The following STOX1 variants were observed in gnomAD, a reference collection of about 807,000 sequenced individuals.
STOX1 encodes storkhead-box protein 1.
Under a neutral mutation model 74.8 loss-of-function variants are expected in STOX1, and 57 were observed. The ratio of observed to expected loss-of-function variants is 0.76; its 90% CI spans 0.62 to 0.95. STOX1 has a LOEUF of 0.95. Among genes scored for constraint, STOX1 ranks in the 40% least tolerant of loss-of-function variants. The pLI, the probability that STOX1 is intolerant of heterozygous loss-of-function variation, is 0.00. For synonymous variants in STOX1, 375 were observed against 401.3 expected (o/e 0.93, Z 0.78); for missense variants, 1,010 against 1,117.0 (o/e 0.90, Z 1.37).
At chr10:68,828,865 T>C (rs1405769914) in intron 1 of STOX1, 1 of 549,084 alleles carries the variant, frequency 1.8e-6, no homozygotes, top group Non-Finnish European at 2.3e-6. Context: ...ACCTTCCCAG[T>C]CTTTTCAAAC....
chr10:68,832,373 C>T (rs10762242), intron 1 of STOX1, among the ~76,000 whole-genome samples: 97,002 of 152,154 alleles, frequency 0.64, 31,567 homozygotes, highest in Non-Finnish European at 0.71. Context: ...TCTTTTCTCA[C>T]TGAATAAAAA....
intron 1 of STOX1, among the ~76,000 whole-genome samples, chr10:68,861,650 C>T (rs1232458343): frequency 6.6e-6 from 1 of 152,122 alleles, no homozygotes; most frequent in Non-Finnish European, 1.5e-5. Flanking sequence ...CTGCAGACTA[C>T]ACAAAGACAA....
rs530570253 is a variant in STOX1, at chr10:68,884,878, T to C, written c.1082T>C (p.Ile361Thr). ...DNIPRDVEHEIIKRINPILTV... is the reference protein window; with the variant it reads ...DNIPRDVEHETIKRINPILTV... ...ATCCCTCGAGATGTTGAACATGAGA[T>C]AATCAAACGAATTAACCCCATTTTG... The change falls in exon 3 of 4, where the codon ATA becomes ACA. Residue 361 changes from isoleucine (I) to threonine (T), a missense_variant. Ile to Thr is a moderately conservative substitution (Grantham distance 89, BLOSUM62 -1). Transcript: ENST00000298596. 17 of 1,614,004 alleles carry C rather than the reference T, an allele frequency of 1.1e-5. No homozygotes were observed. In the Admixed American group the frequency reaches 1.7e-4, roughly 16 times the overall value.
chr10:68,887,649 A>C (rs1049696855), intron 3 of STOX1, among the ~76,000 whole-genome samples: 59 of 144,146 alleles, frequency 4.1e-4, no homozygotes, highest in African/African-American at 1.4e-3. Context: ...GCTGGAGTGC[A>C]GTGGTGCAAT....
intron 1 of STOX1, among the ~76,000 whole-genome samples, chr10:68,860,930 C>T (rs187057256): frequency 2.0e-5 from 3 of 152,054 alleles, no homozygotes; most frequent in Admixed American, 6.5e-5. Flanking sequence ...CAGGATTGGC[C>T]GGGCGCGGTG....
rs114756024 is a variant in STOX1, at chr10:68,867,649, G to A, written c.311-14309G>A. 3.4e-3 allele frequency among the ~76,000 whole-genome samples: 524 copies of A among 152,236 alleles called. 3 individuals are homozygous for A. Among genetic ancestry groups the A allele is most frequent in the African/African-American group, 0.012 (480 of 41,522 alleles). ...ACAGATCTGTTCTTTTATCTCTTCC[G>A]CAACATTATCACACTCCTCTCCTTC... is the stretch of plus-strand genomic sequence containing the variant. On this transcript the variant is annotated intron_variant, in intron 1 of 3. Coordinates refer to ENST00000298596, the MANE Select transcript of STOX1 (RefSeq NM_152709.5).
intron 1 of STOX1, among the ~76,000 whole-genome samples, chr10:68,831,552 A>G (rs753623060): frequency 2.0e-5 from 3 of 152,120 alleles, no homozygotes; most frequent in Non-Finnish European, 2.9e-5. Context: ...ATTGCTGGCC[A>G]GCTCAGGCAG....
At chr10:68,860,275 G>A (rs1840231548) in intron 1 of STOX1, among the ~76,000 whole-genome samples, 1 of 150,452 alleles carries the variant, frequency 6.6e-6, no homozygotes, top group Non-Finnish European at 1.5e-5. Flanking sequence ...CTCGGTGGGG[G>A]AAAGAGTCTC....
chr10:68,879,257 C>G (rs1840751583), intron 1 of STOX1, among the ~76,000 whole-genome samples: 1 of 152,142 alleles, frequency 6.6e-6, no homozygotes, highest in Non-Finnish European at 1.5e-5. Context: ...CCTCAAACCC[C>G]CTTTCCACCC....
chr10:68,890,910 C>T (rs915561598), intron 3 of STOX1, among the ~76,000 whole-genome samples: 1 of 152,094 alleles, frequency 6.6e-6, no homozygotes, highest in Non-Finnish European at 1.5e-5. Flanking sequence ...CCTTAGCCTC[C>T]CAAAGTGCTG....
intron 1 of STOX1, among the ~76,000 whole-genome samples, chr10:68,868,938 G>A (rs1840471031): frequency 6.6e-6 from 1 of 152,196 alleles, no homozygotes; most frequent in African/African-American, 2.4e-5. Flanking sequence ...GAAGAGCTGA[G>A]GTCACTAATT....
chr10:68,885,500 C>T lies in STOX1; in HGVS notation c.1704C>T (p.Asp568=). The change falls in exon 3 of 4, where the codon GAC becomes GAT. Residue 568 remains aspartate, a synonymous_variant. Transcript: ENST00000298596. ...KMEAESIYIN[D]PTVKPINDDF... ...AAGCAGAATCCATTTACATAAATGACCCTACTGTCAAACCCATCAATGATG... is the reference window on the plus strand; with the variant it reads ...AAGCAGAATCCATTTACATAAATGATCCTACTGTCAAACCCATCAATGATG... 6.2e-7 allele frequency: 1 copy of T among 1,614,176 alleles called. No individual in the cohort carries two copies. Among genetic ancestry groups the T allele is most frequent in the Non-Finnish European group, 8.5e-7 (1 of 1,180,036 alleles).
intron 1 of STOX1, among the ~76,000 whole-genome samples, chr10:68,876,659 G>A (rs1271715228): frequency 1.3e-5 from 2 of 152,168 alleles, no homozygotes; most frequent in Non-Finnish European, 2.9e-5. Flanking sequence ...GCACAAGACT[G>A]TGTAAACAGA....
At chr10:68,843,278 C>T (rs1210233404) in intron 1 of STOX1, among the ~76,000 whole-genome samples, 2 of 151,192 alleles carry the variant, frequency 1.3e-5, no homozygotes, top group African/African-American at 2.4e-5. Flanking sequence ...GCAATCCTCC[C>T]GTCTTGGCCT....
intron 3 of STOX1, among the ~76,000 whole-genome samples, chr10:68,887,901 A>G (rs1009592752): frequency 6.6e-6 from 1 of 152,028 alleles, no homozygotes; most frequent in African/African-American, 2.4e-5. Flanking sequence ...GGCCTCCACT[A>G]ATGTTTTCCA....
At chr10:68,871,490 A>G (rs1420366812) in intron 1 of STOX1, among the ~76,000 whole-genome samples, 1 of 152,232 alleles carries the variant, frequency 6.6e-6, no homozygotes, top group South Asian at 2.1e-4. Flanking sequence ...CATCTTCCCA[A>G]GGGAAGCCTT....
In STOX1 at chr10:68,884,854, T is replaced by C. The variant is rs753005108; in HGVS notation, c.1058T>C (p.Ile353Thr). The change falls in exon 3 of 4, where the codon ATC (isoleucine) becomes ACC (threonine). Residue 353 changes from isoleucine (I) to threonine (T), a missense_variant. Coordinates refer to ENST00000298596, the MANE Select transcript of STOX1 (RefSeq NM_152709.5). Reference sequence around the variant, plus strand: ...CGAGATGAAGATGACTTGGACAATATCCCTCGAGATGTTGAACATGAGATA... The same window carrying C: ...CGAGATGAAGATGACTTGGACAATACCCCTCGAGATGTTGAACATGAGATA... ...PVRDEDDLDNIPRDVEHEIIK... is the reference protein window; with the variant it reads ...PVRDEDDLDNTPRDVEHEIIK... 1.6e-5 allele frequency: 26 copies of C among 1,613,990 alleles called. No homozygotes were observed. Among genetic ancestry groups the C allele is most frequent in the South Asian group, 1.4e-4 (13 of 91,078 alleles).
At chr10:68,887,152 ACTC>A (rs903808392) in intron 3 of STOX1, among the ~76,000 whole-genome samples, 1 of 152,136 alleles carries the variant, frequency 6.6e-6, no homozygotes. Context: ...TGTCCCCACT[ACTC>A]ATAAATCTTC....
intron 1 of STOX1, among the ~76,000 whole-genome samples, chr10:68,830,407 A>G (rs940392859): frequency 6.6e-6 from 1 of 152,106 alleles, no homozygotes; most frequent in African/African-American, 2.4e-5. Context: ...CAATGGTACA[A>G]TCTTGGCTCA....
Sources: allele counts gnomAD v4.1 joint callset (sites outside exome capture counted in the v4.1 genomes callset), GRCh38; gene constraint gnomAD v4.1.1; transcripts MANE v1.5; gene names NCBI Gene and HGNC (gene_info 2026-07-23, HGNC 2026-07-21).